Variants in LHFPL6 observed in about 807,000 individuals in gnomAD.
The protein encoded by LHFPL6 is LHFPL tetraspan subfamily member 6 protein.
Under a neutral mutation model 20.6 loss-of-function variants are expected in LHFPL6, and 9 were observed. That is an observed-to-expected ratio of 0.44 (90% CI 0.26 to 0.76). LHFPL6 has a LOEUF of 0.76. LHFPL6 is among the 30% of genes least tolerant of loss of function. LHFPL6 has a pLI of 0.20. For synonymous variants in LHFPL6, 105 were observed against 98.7 expected, an observed-to-expected ratio of 1.06 and a Z score of -0.38; for missense variants, 218 against 253.5, an observed-to-expected ratio of 0.86 and a Z score of 0.95.
At chr13:39,593,205 T>G (rs904760054) in intron 2 of LHFPL6, among the ~76,000 whole-genome samples, 2 of 152,198 alleles carry the variant, frequency 1.3e-5, no homozygotes, top group Non-Finnish European at 2.9e-5. Context: ...GATGATATGA[T>G]TGTATATCTA....
chr13:39,352,941 G>GTATATATGTGTGTA (rs1869625893), intron 3 of LHFPL6, among the ~76,000 whole-genome samples: 1 of 41,750 alleles, frequency 2.4e-5, no homozygotes, highest in Non-Finnish European at 4.5e-5. Context: ...ATATATGTGT[G>GTATATATGTGTGTA]TATATATATA....
chr13:39,450,781 T>C (rs1340150430), intron 2 of LHFPL6, among the ~76,000 whole-genome samples: 1 of 152,204 alleles, frequency 6.6e-6, no homozygotes, highest in Non-Finnish European at 1.5e-5. Context: ...AATGTTATTA[T>C]GGGCCATTTT....
At chr13:39,405,641 G>A (rs1871098165) in intron 2 of LHFPL6, among the ~76,000 whole-genome samples, 1 of 152,294 alleles carries the variant, frequency 6.6e-6, no homozygotes. Context: ...GGGGGCAGGG[G>A]ACAAGAAACG....
chr13:39,408,261 T>C (rs1025185915), intron 2 of LHFPL6, among the ~76,000 whole-genome samples: 1 of 152,228 alleles, frequency 6.6e-6, no homozygotes, highest in African/African-American at 2.4e-5. Flanking sequence ...TATGGAAATA[T>C]CTTGGCTAAC....
intron 2 of LHFPL6, among the ~76,000 whole-genome samples, chr13:39,382,241 G>A (rs1189511239): frequency 2.0e-5 from 3 of 152,028 alleles, no homozygotes; most frequent in African/African-American, 7.2e-5. Context: ...AATGTAAGAT[G>A]GTATTTAGAA....
rs146062501 is a variant in LHFPL6, at chr13:39,548,618, T to C, written c.385+52214A>G. ...ATCAAACTCATGTCCAAAATCATAA[T>C]GCAGAATGACTCATAAGTCTATGGT... On this transcript the variant is annotated intron_variant, in intron 2 of 3. Coordinates refer to ENST00000379589, the MANE Select transcript of LHFPL6 (RefSeq NM_005780.3). 2.6e-5 allele frequency among the ~76,000 whole-genome samples: 4 copies of C among 152,198 alleles called. 1 individual carries two copies. Among genetic ancestry groups the C allele is most frequent in the African/African-American group, 9.6e-5 (4 of 41,466 alleles).
intron 2 of LHFPL6, among the ~76,000 whole-genome samples, chr13:39,397,925 T>C (rs958472606): frequency 1.9e-4 from 29 of 152,288 alleles, no homozygotes; most frequent in African/African-American, 6.3e-4. Flanking sequence ...TGTGTGTGTG[T>C]GTTTGTGTGC....
chr13:39,487,429 A>G (rs756434678), intron 2 of LHFPL6, among the ~76,000 whole-genome samples: 6 of 152,310 alleles, frequency 3.9e-5, no homozygotes, highest in Non-Finnish European at 2.9e-5. Flanking sequence ...ACCTTGGCTA[A>G]AGCAGTTAAC....
intron 2 of LHFPL6, among the ~76,000 whole-genome samples, chr13:39,563,101 C>A (rs1029780227): frequency 1.7e-5 from 1 of 57,666 alleles, no homozygotes; most frequent in Non-Finnish European, 3.2e-5. Flanking sequence ...AACACACACA[C>A]ACACACACAC....
chr13:39,369,624 CCCTT>C (rs1870115675), intron 3 of LHFPL6, among the ~76,000 whole-genome samples: 4 of 25,258 alleles, frequency 1.6e-4, no homozygotes, highest in Non-Finnish European at 2.7e-4. Flanking sequence ...CCTTCCTTCC[CCCTT>C]TCCTTTCCTC....
chr13:39,465,158 G>C (rs773996268), intron 2 of LHFPL6, among the ~76,000 whole-genome samples: 2 of 152,254 alleles, frequency 1.3e-5, no homozygotes, highest in African/African-American at 4.8e-5. Flanking sequence ...TGGGATTTCA[G>C]AGAAATCAGA....
intron 2 of LHFPL6, among the ~76,000 whole-genome samples, chr13:39,580,805 G>A (rs1872258936): frequency 6.6e-6 from 1 of 152,176 alleles, no homozygotes. Context: ...CAAAGGACCT[G>A]AGGCCAAGAG....
At chr13:39,497,729 T>C (rs750576743) in intron 2 of LHFPL6, among the ~76,000 whole-genome samples, 1 of 152,136 alleles carries the variant, frequency 6.6e-6, no homozygotes, top group Non-Finnish European at 1.5e-5. Context: ...ATTCCAAAGA[T>C]GGGGGGGAGG....
chr13:39,595,912 C>T (rs1420656411), intron 2 of LHFPL6, among the ~76,000 whole-genome samples: 1 of 152,144 alleles, frequency 6.6e-6, no homozygotes, highest in African/African-American at 2.4e-5. Context: ...ATGTACATGA[C>T]TGTACAGAGT....
chr13:39,505,725 T>G (rs747572965), intron 2 of LHFPL6, among the ~76,000 whole-genome samples: 2 of 152,128 alleles, frequency 1.3e-5, no homozygotes, highest in Non-Finnish European at 2.9e-5. Flanking sequence ...GATTCACAGG[T>G]GAGACAGAGA....
chr13:39,429,721 C>T (rs1284128303), intron 2 of LHFPL6, among the ~76,000 whole-genome samples: 1 of 152,104 alleles, frequency 6.6e-6, no homozygotes, highest in East Asian at 1.9e-4. Context: ...GTCTCCAAAT[C>T]CTCTTCTCCC....
intron 2 of LHFPL6, among the ~76,000 whole-genome samples, chr13:39,494,914 C>T (rs1566124525): frequency 6.6e-6 from 1 of 152,184 alleles, no homozygotes; most frequent in Non-Finnish European, 1.5e-5. Flanking sequence ...GCTTATACTA[C>T]CGATCACATG....
At chr13:39,573,540 T>C (rs182654652) in intron 2 of LHFPL6, among the ~76,000 whole-genome samples, 20 of 152,250 alleles carry the variant, frequency 1.3e-4, no homozygotes, top group South Asian at 6.2e-4. Flanking sequence ...TAGTTGTAAA[T>C]AGAAAATTTT....
At chr13:39,390,522 G>A (rs1479957236) in intron 2 of LHFPL6, among the ~76,000 whole-genome samples, 4 of 151,168 alleles carry the variant, frequency 2.6e-5, no homozygotes, top group Admixed American at 6.6e-5. Context: ...AAAAAACAAA[G>A]GAAACAAGAT....
Sources: gnomAD v4.1 joint callset for allele counts (sites outside exome capture counted in the v4.1 genomes callset) on GRCh38, gnomAD v4.1.1 for gene constraint, MANE v1.5 for transcripts, NCBI Gene and HGNC (gene_info 2026-07-23, HGNC 2026-07-21) for gene names.